The following SHLD1 variants were observed in gnomAD, a reference collection of about 807,000 sequenced individuals.
The protein encoded by SHLD1 is shieldin complex subunit 1, also known as RINN1-REV7-interacting novel NHEJ regulator 3.
A neutral mutation model predicts 5.5 loss-of-function variants in SHLD1; 3 were observed. That is an observed-to-expected ratio of 0.54 (90% CI 0.25 to 1.40). The LOEUF (loss-of-function observed/expected upper bound fraction) is 1.40, where lower values mean the gene tolerates loss of function less well. Ranked by LOEUF, SHLD1 falls within the 40% of genes most tolerant of loss-of-function variation. The pLI, the probability that SHLD1 is intolerant of heterozygous loss-of-function variation, is 0.15. For missense variants in SHLD1, 210 were observed against 244.4 expected (o/e 0.86, Z 0.94); for synonymous variants, 92 against 94.3 (o/e 0.98, Z 0.14).
rs558984477 is a variant in SHLD1, at chr20:5,827,143, A to C, written c.179-35881A>C. 4.6e-4 allele frequency among the ~76,000 whole-genome samples: 70 copies of C among 152,170 alleles called. 1 individual carries two copies. The South Asian group carries it at 0.014, about 30-fold the overall frequency. The stretch of plus-strand genomic sequence containing the variant: ...AAAGGCATGAGTGGGCGTGGCACCC[A>C]CAGGGAAAGCACAGAGCCTGGGGCC... On this transcript the variant is annotated intron_variant, in intron 2 of 2. Coordinates refer to ENST00000303142, the MANE Select transcript of SHLD1 (RefSeq NM_152504.4).
chr20:5,765,018 C>G (rs1387770840), intron 1 of SHLD1: 2 of 151,954 alleles, frequency 1.3e-5, no homozygotes, highest in East Asian at 3.9e-4. Context: ...CTTCTTGTGC[C>G]TGCAACCCAG....
chr20:5,853,542 A>G (rs897222909), intron 2 of SHLD1, among the ~76,000 whole-genome samples: 1 of 152,194 alleles, frequency 6.6e-6, no homozygotes, highest in Non-Finnish European at 1.5e-5. Context: ...TTATGAAAAT[A>G]GTTACAAGGC....
chr20:5,796,597 C>T (rs547451661), intron 2 of SHLD1, among the ~76,000 whole-genome samples: 1 of 151,916 alleles, frequency 6.6e-6, no homozygotes, highest in South Asian at 2.1e-4. Context: ...GAGGCTAAGG[C>T]GGGTGGATCA....
intron 2 of SHLD1, among the ~76,000 whole-genome samples, chr20:5,838,554 A>G (rs2087816504): frequency 6.6e-6 from 1 of 152,248 alleles, no homozygotes; most frequent in South Asian, 2.1e-4. Flanking sequence ...TGAGGTCAGG[A>G]GTTCAAGACC....
intron 1 of SHLD1, chr20:5,756,799 G>C: frequency 3.4e-6 from 1 of 293,108 alleles, no homozygotes; most frequent in Non-Finnish European, 6.9e-6. Flanking sequence ...TTCCCAAAGT[G>C]TTGGGATTAC....
chr20:5,775,410 A>G (rs977698806), intron 2 of SHLD1, among the ~76,000 whole-genome samples: 2 of 152,222 alleles, frequency 1.3e-5, no homozygotes, highest in Non-Finnish European at 2.9e-5. Context: ...CCCTTAGGGA[A>G]TTCAGTGTGG....
At chr20:5,835,970 C>T (rs956043561) in intron 2 of SHLD1, among the ~76,000 whole-genome samples, 13 of 152,144 alleles carry the variant, frequency 8.5e-5, no homozygotes, top group African/African-American at 2.2e-4. Context: ...CTAACATGAC[C>T]GATCGGAGGT....
At chr20:5,770,002 CTCAAAA>C (rs1318443351) in intron 1 of SHLD1, among the ~76,000 whole-genome samples, 1 of 105,262 alleles carries the variant, frequency 9.5e-6, no homozygotes, top group Non-Finnish European at 1.9e-5. Context: ...GAAACTCCTT[CTCAAAA>C]AAAAAAAAAA....
chr20:5,775,663 C>G (rs1395388783), intron 2 of SHLD1, among the ~76,000 whole-genome samples: 1 of 152,184 alleles, frequency 6.6e-6, no homozygotes. Context: ...GGTGGTCGTG[C>G]TGGATTAGAC....
intron 2 of SHLD1, among the ~76,000 whole-genome samples, chr20:5,804,993 T>A (rs1375340342): frequency 1.3e-5 from 2 of 151,844 alleles, no homozygotes; most frequent in African/African-American, 4.8e-5. Context: ...AAAACAAGAG[T>A]TTACAATACT....
chr20:5,845,077 C>T (rs2087916837), intron 2 of SHLD1, among the ~76,000 whole-genome samples: 2 of 152,028 alleles, frequency 1.3e-5, no homozygotes, highest in South Asian at 4.2e-4. Context: ...AGCTTACAGG[C>T]ATGAGCCACC....
At chr20:5,776,893 G>A (rs1985455586) in intron 2 of SHLD1, among the ~76,000 whole-genome samples, 1 of 152,152 alleles carries the variant, frequency 6.6e-6, no homozygotes, top group African/African-American at 2.4e-5. Flanking sequence ...GTGTTTTAGG[G>A]CACATTAATA....
chr20:5,825,220 C>A (rs532038059), intron 2 of SHLD1, among the ~76,000 whole-genome samples: 1 of 152,350 alleles, frequency 6.6e-6, no homozygotes, highest in South Asian at 2.1e-4. Flanking sequence ...ACCATTCTGT[C>A]TCATCCTGTC....
Position 5,766,956 on chromosome 20 carries a change from G to C in SHLD1, c.-4-5906G>C, listed in dbSNP as rs184088269. On this transcript the variant is annotated intron_variant, in intron 1 of 2. Transcript: ENST00000303142. Reference sequence around the variant, plus strand: ...ATGTTTTTGAGATCTTTGAAGTTCTGACTGTCGTTTTAACAGCTGCATAGG... The same window carrying C: ...ATGTTTTTGAGATCTTTGAAGTTCTCACTGTCGTTTTAACAGCTGCATAGG... Among the ~76,000 whole-genome samples the C allele has an allele frequency of 3.0e-3, 453 of 152,102 alleles. 4 individuals are homozygous for C. Among genetic ancestry groups the C allele is most frequent in the African/African-American group, 0.011 (436 of 41,498 alleles).
At chr20:5,784,313 C>T (rs1207211045) in intron 2 of SHLD1, among the ~76,000 whole-genome samples, 1 of 152,050 alleles carries the variant, frequency 6.6e-6, no homozygotes, top group African/African-American at 2.4e-5. Context: ...CTAACTGTAA[C>T]TTCTCTATCC....
At chr20:5,807,286 TTTA>T (rs2087391388) in intron 2 of SHLD1, among the ~76,000 whole-genome samples, 1 of 152,234 alleles carries the variant, frequency 6.6e-6, no homozygotes, top group African/African-American at 2.4e-5. Flanking sequence ...TAAGTTACTA[TTTA>T]TTTTTTCCTT....
At chr20:5,775,923 A>ATTTTTGTTTTTTT (rs1985402733) in intron 2 of SHLD1, among the ~76,000 whole-genome samples, 1 of 77,678 alleles carries the variant, frequency 1.3e-5, no homozygotes, top group Non-Finnish European at 2.4e-5. Flanking sequence ...TCAGCTCAGG[A>ATTTTTGTTTTTTT]TTTTTTTTTT....
In SHLD1 at chr20:5,791,905, G is replaced by A. The variant is rs75557452; in HGVS notation, c.178+18862G>A. Reference sequence around the variant, plus strand: ...TTTGATAGTGACCATCCTAATGGGTGTGAGGTGATATCTCACTCTGGTTTT... The same window carrying A: ...TTTGATAGTGACCATCCTAATGGGTATGAGGTGATATCTCACTCTGGTTTT... On this transcript the variant is annotated intron_variant, in intron 2 of 2. Transcript: ENST00000303142. Among the ~76,000 whole-genome samples the A allele has an allele frequency of 9.3e-3, 1,416 of 152,314 alleles. 20 individuals carry two copies. Among genetic ancestry groups the A allele is most frequent in the African/African-American group, 0.032 (1,315 of 41,562 alleles).
At chr20:5,771,282 T>A (rs1724205515) in intron 1 of SHLD1, among the ~76,000 whole-genome samples, 1 of 152,238 alleles carries the variant, frequency 6.6e-6, no homozygotes, top group Non-Finnish European at 1.5e-5. Flanking sequence ...ATTGAAGACT[T>A]GCTGTGTATG....
Sources: gnomAD v4.1 joint callset for allele counts (sites outside exome capture counted in the v4.1 genomes callset) on GRCh38, gnomAD v4.1.1 for gene constraint, MANE v1.5 for transcripts, NCBI Gene and HGNC (gene_info 2026-07-23, HGNC 2026-07-21) for gene names.